The following SMIM10L3 variants were observed in gnomAD, a reference collection of about 807,000 sequenced individuals.
The protein encoded by SMIM10L3 is salivary gland specific protein SAGSIN1.
At chr7:6,333,959 G>A in the SMIM10L3 span, among the ~76,000 whole-genome samples, 1,495 of 148,218 alleles carry the variant, frequency 0.01, 28 homozygotes, top group African/African-American at 0.036. Flanking sequence ...CCATTCTCCT[G>A]CCTCAGCCTC....
chr7:6,346,470 G>A, the SMIM10L3 span, among the ~76,000 whole-genome samples: 3,627 of 152,140 alleles, frequency 0.024, 115 homozygotes, highest in East Asian at 0.1. Context: ...AGGCTCAAGC[G>A]ATCCTCCCAC....
the SMIM10L3 span, among the ~76,000 whole-genome samples, chr7:6,343,425 T>TG: frequency 2.3e-5 from 3 of 129,918 alleles, no homozygotes; most frequent in East Asian, 2.1e-4. Context: ...TATATATATA[T>TG]ATATATATAT....
At chr7:6,338,456 A>G in the SMIM10L3 span, among the ~76,000 whole-genome samples, 5 of 152,346 alleles carry the variant, frequency 3.3e-5, no homozygotes, top group South Asian at 6.2e-4. Flanking sequence ...GGAGTCTTCA[A>G]GAAAGCATGG....
chr7:6,347,883 T>TATTATTATTATTA, the SMIM10L3 span, among the ~76,000 whole-genome samples: 1 of 131,538 alleles, frequency 7.6e-6, no homozygotes, highest in Non-Finnish European at 1.6e-5. Context: ...ACGAGACCCC[T>TATTATTATTATTA]TTATTATTAT....
chr7:6,336,952 C>A, the SMIM10L3 span, among the ~76,000 whole-genome samples: 21 of 152,024 alleles, frequency 1.4e-4, no homozygotes, highest in Non-Finnish European at 2.6e-4. Flanking sequence ...CCATGGCTGG[C>A]CATATTCTTT....
the SMIM10L3 span, among the ~76,000 whole-genome samples, chr7:6,346,529 G>A: frequency 2.6e-5 from 4 of 151,918 alleles, no homozygotes; most frequent in Admixed American, 6.6e-5. Flanking sequence ...ACCACTGCCC[G>A]GCCACCACGC....
the SMIM10L3 span, among the ~76,000 whole-genome samples, chr7:6,344,887 G>A: frequency 2.2e-4 from 33 of 150,940 alleles, no homozygotes; most frequent in African/African-American, 7.1e-4. Context: ...GATGACAGGC[G>A]CATGCCGCCA....
At chr7:6,347,883 TTTATTATTATTATTATTATTA>T in the SMIM10L3 span, among the ~76,000 whole-genome samples, 6 of 131,538 alleles carry the variant, frequency 4.6e-5, no homozygotes, top group East Asian at 2.2e-4. Flanking sequence ...ACGAGACCCC[TTTATTATTATTATTATTATTA>T]TTATTATTAT....
the SMIM10L3 span, among the ~76,000 whole-genome samples, chr7:6,348,396 G>A: frequency 6.6e-6 from 1 of 152,208 alleles, no homozygotes; most frequent in Non-Finnish European, 1.5e-5. Flanking sequence ...CGCGTTTGCA[G>A]AACGGGGATA....
chr7:6,335,999 C>T, the SMIM10L3 span, among the ~76,000 whole-genome samples: 1 of 151,940 alleles, frequency 6.6e-6, no homozygotes, highest in Non-Finnish European at 1.5e-5. Context: ...ACGGTGAAAC[C>T]CCGTCTCTAC....
chr7:6,334,950 T>TA, the SMIM10L3 span, among the ~76,000 whole-genome samples: 1 of 151,402 alleles, frequency 6.6e-6, no homozygotes, highest in African/African-American at 2.4e-5. Context: ...GTATTTTTAA[T>TA]AGAGACGGGT....
the SMIM10L3 span, chr7:6,329,607 C>G: frequency 6.3e-4 from 100 of 159,224 alleles, 1 homozygote; most frequent in Non-Finnish European, 1.3e-3. Context: ...TTAAAGTTAT[C>G]AACAGACGAC....
At chr7:6,347,528 AAG>A in the SMIM10L3 span, among the ~76,000 whole-genome samples, 1 of 150,032 alleles carries the variant, frequency 6.7e-6, no homozygotes, top group Non-Finnish European at 1.5e-5. Context: ...AAAAAAAAAA[AAG>A]AGATACCAAT....
chr7:6,336,465 G>A, the SMIM10L3 span, among the ~76,000 whole-genome samples: 291 of 152,224 alleles, frequency 1.9e-3, 1 homozygote, highest in Middle Eastern at 6.8e-3. Context: ...CAGATCTCTT[G>A]AGGTCAGGAG....
chr7:6,331,738 CTT>C, the SMIM10L3 span, among the ~76,000 whole-genome samples: 3,402 of 117,578 alleles, frequency 0.029, 40 homozygotes, highest in Middle Eastern at 0.06. Context: ...ATAATAGAGG[CTT>C]TTTTTTTTTT....
chr7:6,345,512 A>G, the SMIM10L3 span, among the ~76,000 whole-genome samples: 1 of 152,176 alleles, frequency 6.6e-6, no homozygotes, highest in African/African-American at 2.4e-5. Context: ...AGGGTAGACT[A>G]GAGAGGTGGT....
At chr7:6,338,281 G>C in the SMIM10L3 span, among the ~76,000 whole-genome samples, 3 of 152,100 alleles carry the variant, frequency 2.0e-5, no homozygotes, top group African/African-American at 7.2e-5. Context: ...TTCTCAGTAT[G>C]CTAGAGATAT....
the SMIM10L3 span, among the ~76,000 whole-genome samples, chr7:6,332,628 G>A: frequency 6.6e-6 from 1 of 152,082 alleles, no homozygotes; most frequent in African/African-American, 2.4e-5. Flanking sequence ...AGCCTGGGAG[G>A]CAGAGGTCAC....
At chr7:6,334,028 A>G in the SMIM10L3 span, among the ~76,000 whole-genome samples, 7 of 150,824 alleles carry the variant, frequency 4.6e-5, no homozygotes, top group African/African-American at 1.5e-4. Context: ...TCGTATTTTT[A>G]GTAGAGATGG....
Sources: gnomAD v4.1 joint callset for allele counts (sites outside exome capture counted in the v4.1 genomes callset) on GRCh38, gnomAD v4.1.1 for gene constraint, MANE v1.5 for transcripts, NCBI Gene and HGNC (gene_info 2026-07-23, HGNC 2026-07-21) for gene names.